Variants in KIF26B observed in about 807,000 individuals in gnomAD.
The protein encoded by KIF26B is kinesin family member 26B.
KIF26B carries 63 observed loss-of-function variants against 151.2 expected under a neutral mutation model. The ratio of observed to expected loss-of-function variants is 0.42; its 90% confidence interval spans 0.34 to 0.51. The LOEUF (loss-of-function observed/expected upper bound fraction) is 0.51, where lower values mean the gene tolerates loss of function less well. KIF26B is among the 20% of genes least tolerant of loss of function. KIF26B has a pLI of 0.07. For synonymous variants in KIF26B, 1,357 were observed against 1,262.1 expected (o/e 1.08, Z -1.59); for missense variants, 2,813 against 2,913.6 (o/e 0.97, Z 0.79).
At chr1:245,565,434 G>A (rs757341745) in intron 5 of KIF26B, among the ~76,000 whole-genome samples, 18 of 151,958 alleles carry the variant, frequency 1.2e-4, no homozygotes, top group African/African-American at 3.4e-4. Flanking sequence ...GACTACAGGC[G>A]TGCACCACCA....
chr1:245,410,036 A>G (rs761200326), intron 3 of KIF26B, among the ~76,000 whole-genome samples: 6 of 152,346 alleles, frequency 3.9e-5, no homozygotes, highest in Admixed American at 2.0e-4. Flanking sequence ...GTGTGAGGGA[A>G]GATAAAGAAG....
intron 2 of KIF26B, among the ~76,000 whole-genome samples, chr1:245,236,470 ACAAT>A (rs763359045): frequency 1.3e-5 from 2 of 152,202 alleles, no homozygotes; most frequent in South Asian, 2.1e-4. Flanking sequence ...GACGTAATTG[ACAAT>A]CAATATTATA....
chr1:245,587,194 T>C (rs922966938), intron 5 of KIF26B, among the ~76,000 whole-genome samples: 5 of 152,182 alleles, frequency 3.3e-5, no homozygotes, highest in Non-Finnish European at 5.9e-5. Context: ...CTGAACCTCA[T>C]CCATGAACAT....
At position 245,613,432 on chromosome 1, in the gene KIF26B, G is replaced by A. The variant is rs1030839671; in HGVS notation, c.2098+1456G>A. Among the ~76,000 whole-genome samples, 49 of 152,004 alleles carry A rather than the reference G, an allele frequency of 3.2e-4. 1 individual carries two copies. Among genetic ancestry groups the A allele is most frequent in the African/African-American group, 1.0e-3 (43 of 41,472 alleles). ...AGCCTGGCCAACATGGAGAAACCCCGTCTCTACTAAAAATAAAAAAATTAG... is the reference window on the plus strand; with the variant it reads ...AGCCTGGCCAACATGGAGAAACCCCATCTCTACTAAAAATAAAAAAATTAG... On this transcript the variant is annotated intron_variant, in intron 9 of 14. Transcript: ENST00000407071.
chr1:245,460,749 C>T (rs11585347), intron 4 of KIF26B, among the ~76,000 whole-genome samples: 8,814 of 152,268 alleles, frequency 0.058, 328 homozygotes, highest in Admixed American at 0.095. Context: ...GCCCGTGTAT[C>T]GGTGTGGGTA....
At chr1:245,517,562 C>T (rs1460766995) in intron 4 of KIF26B, among the ~76,000 whole-genome samples, 2 of 152,106 alleles carry the variant, frequency 1.3e-5, no homozygotes, top group South Asian at 2.1e-4. Flanking sequence ...GCCACACAAA[C>T]ATTTATTGAG....
At chr1:245,527,764 A>T (rs538004583) in intron 4 of KIF26B, among the ~76,000 whole-genome samples, 228 of 151,412 alleles carry the variant, frequency 1.5e-3, no homozygotes, top group Non-Finnish European at 3.0e-3. Flanking sequence ...CGATCTCCTG[A>T]CCTCGTGATC....
chr1:245,356,282 A>G (rs111776799), intron 2 of KIF26B, among the ~76,000 whole-genome samples: 5,372 of 152,300 alleles, frequency 0.035, 255 homozygotes, highest in African/African-American at 0.11. Flanking sequence ...AAGGCCAGGC[A>G]CAGTGGCTCA....
In KIF26B at chr1:245,618,779, C is replaced by G. The variant is rs1257821597; in HGVS notation, c.2098+6803C>G. 1.3e-4 allele frequency among the ~76,000 whole-genome samples: 18 copies of G among 133,806 alleles called. 1 individual carries two copies. The highest frequency in any genetic ancestry group is 4.9e-4 in the African/African-American group (16 of 32,920). 87.8% of individuals were successfully genotyped at this position (133,806 alleles called of 152,430 possible). ...TAAACTATGGGTTCCTTGAGACAGA[C>G]TGCCACAGTGCTGGTGCTGTGTCCG... is the stretch of plus-strand genomic sequence containing the variant. On this transcript the variant is annotated intron_variant, in intron 9 of 14. Coordinates refer to ENST00000407071, the MANE Select transcript of KIF26B (RefSeq NM_018012.4).
At chr1:245,192,128 TAGAA>T (rs1317852461) in intron 2 of KIF26B, among the ~76,000 whole-genome samples, 1 of 152,100 alleles carries the variant, frequency 6.6e-6, no homozygotes, top group East Asian at 1.9e-4. Context: ...TATAAAGAAT[TAGAA>T]AGAAGCTGCA....
At chr1:245,198,511 C>G (rs1669231129) in intron 2 of KIF26B, among the ~76,000 whole-genome samples, 1 of 152,112 alleles carries the variant, frequency 6.6e-6, no homozygotes, top group African/African-American at 2.4e-5. Flanking sequence ...CACCTGAGGT[C>G]AGGAGTGCAA....
intron 2 of KIF26B, among the ~76,000 whole-genome samples, chr1:245,350,214 G>A (rs184540640): frequency 2.4e-4 from 37 of 152,174 alleles, no homozygotes; most frequent in African/African-American, 6.5e-4. Flanking sequence ...CCTTCTGTGC[G>A]TAGCAGAGTC....
chr1:245,703,039 A>G lies in KIF26B; in HGVS notation c.*433A>G, dbSNP rs76572751. On this transcript the variant is annotated 3_prime_UTR_variant, in exon 15 of 15. Transcript: ENST00000407071. Reference sequence around the variant, plus strand: ...CCTTGCAAATCTTTATTATTATCCAAACATTTATGTTCATACTTTCTTGTG... The same window carrying G: ...CCTTGCAAATCTTTATTATTATCCAGACATTTATGTTCATACTTTCTTGTG... 279 of 162,006 alleles carry G rather than the reference A, an allele frequency of 1.7e-3. 2 individuals carry two copies. The highest frequency in any genetic ancestry group is 5.8e-3 in the African/African-American group (242 of 41,952). The allele number at this position is 162,006 out of a possible 1,614,324, so 10.0% of individuals were successfully genotyped here.
chr1:245,534,975 G>A (rs1017896694), intron 4 of KIF26B, among the ~76,000 whole-genome samples: 2 of 151,960 alleles, frequency 1.3e-5, no homozygotes, highest in Non-Finnish European at 2.9e-5. Flanking sequence ...TGAGATGGGG[G>A]TCTCACCATG....
chr1:245,409,885 A>AACAGCTGCAG (rs1674233521), intron 3 of KIF26B, among the ~76,000 whole-genome samples: 1 of 152,216 alleles, frequency 6.6e-6, no homozygotes, highest in Admixed American at 6.5e-5. Flanking sequence ...ACAGCATGCC[A>AACAGCTGCAG]ACAGCAGCAG....
chr1:245,347,561 A>G (rs1043471267), intron 2 of KIF26B, among the ~76,000 whole-genome samples: 5 of 152,136 alleles, frequency 3.3e-5, no homozygotes, highest in African/African-American at 1.2e-4. Context: ...GGCTCAAGCA[A>G]TCCTCCTGTC....
chr1:245,301,452 C>T (rs955652453), intron 2 of KIF26B, among the ~76,000 whole-genome samples: 2 of 152,116 alleles, frequency 1.3e-5, no homozygotes, highest in African/African-American at 2.4e-5. Flanking sequence ...TCTTCAGCTG[C>T]GTGTTTATAG....
intron 3 of KIF26B, among the ~76,000 whole-genome samples, chr1:245,413,401 G>A (rs964934649): frequency 1.4e-4 from 22 of 152,160 alleles, no homozygotes; most frequent in Non-Finnish European, 2.5e-4. Flanking sequence ...GGTGGCTCAC[G>A]CCTGTAATCC....
rs571288135 is a variant in KIF26B, at chr1:245,395,471, A to G, written c.1000-24108A>G. On this transcript the variant is annotated intron_variant, in intron 3 of 14. Transcript: ENST00000407071. ...TTTCCTGTTCGCTGCAGAGCAAACC[A>G]GGTGCCACGTAGACCTTCTCAGATG... 2.6e-5 allele frequency among the ~76,000 whole-genome samples: 4 copies of G among 152,348 alleles called. No individual in the cohort carries two copies. The South Asian group carries it at 8.3e-4, about 32-fold the overall frequency.
Sources: allele counts gnomAD v4.1 joint callset (sites outside exome capture counted in the v4.1 genomes callset), GRCh38; gene constraint gnomAD v4.1.1; transcripts MANE v1.5; gene names NCBI Gene and HGNC (gene_info 2026-07-23, HGNC 2026-07-21).